PRORP: variants seen among roughly 807,000 people sequenced by gnomAD.
PRORP encodes the protein mitochondrial ribonuclease P catalytic subunit.
PRORP carries 51 observed loss-of-function variants against 59.4 expected under a neutral mutation model. That is an observed-to-expected ratio of 0.86 (90% CI 0.69 to 1.08). The LOEUF (loss-of-function observed/expected upper bound fraction) is 1.08. PRORP is among the 50% of genes least tolerant of loss of function. The pLI is 0.00. For synonymous variants in PRORP, 231 were observed against 245.6 expected, an observed-to-expected ratio of 0.94 and a Z score of 0.55; for missense variants, 646 against 690.3, an observed-to-expected ratio of 0.94 and a Z score of 0.72.
At chr14:35,168,762 C>G (rs1018416068) in intron 4 of PRORP, among the ~76,000 whole-genome samples, 3 of 152,062 alleles carry the variant, frequency 2.0e-5, no homozygotes, top group Non-Finnish European at 1.5e-5. Context: ...ATCAAGGACC[C>G]CCGTATGTGA....
intron 4 of PRORP, among the ~76,000 whole-genome samples, chr14:35,141,022 G>A (rs1459222583): frequency 6.9e-6 from 1 of 145,688 alleles, no homozygotes; most frequent in East Asian, 2.3e-4. Context: ...TCATTTCTGT[G>A]TAAGTCAGAT....
chr14:35,173,630 T>C (rs1000356437), intron 4 of PRORP, among the ~76,000 whole-genome samples: 2 of 152,162 alleles, frequency 1.3e-5, no homozygotes, highest in African/African-American at 4.8e-5. Context: ...AGCTTTCTGC[T>C]TGATTTCCAG....
chr14:35,167,686 T>G lies in PRORP; in HGVS notation c.1168-12984T>G, dbSNP rs76647512. 5.4e-3 allele frequency among the ~76,000 whole-genome samples: 829 copies of G among 152,316 alleles called. 8 individuals carry two copies. The highest frequency in any genetic ancestry group is 0.019 in the African/African-American group (788 of 41,564). On this transcript the variant is annotated intron_variant, in intron 4 of 7. Transcript: ENST00000534898. ...GAAGTAATTAGATACAGAGATGGAT[T>G]TTTTATTTTTGTTCGCATGTTAAGA...
intron 4 of PRORP, among the ~76,000 whole-genome samples, chr14:35,159,427 T>C (rs541583558): frequency 6.6e-5 from 10 of 152,350 alleles, no homozygotes; most frequent in Admixed American, 2.6e-4. Context: ...AGTCTGCATT[T>C]ATCTTTTCTT....
chr14:35,128,289 G>T (rs1427725898), intron 4 of PRORP, among the ~76,000 whole-genome samples: 5 of 141,178 alleles, frequency 3.5e-5, no homozygotes, highest in Non-Finnish European at 1.5e-5. Flanking sequence ...TTTTTTTTTT[G>T]TTGTTTTTTG....
Position 35,273,796 on chromosome 14 carries a change from A to C in PRORP, c.*230A>C. On this transcript the variant is annotated 3_prime_UTR_variant, in exon 8 of 8. Transcript: ENST00000534898. The stretch of plus-strand genomic sequence containing the variant: ...AGGCTTATCAAGAGTTGGAGAACTT[A>C]GTGTAGAGCAAAACCTGCATTTCTC... 1 of 313,410 alleles carries C rather than the reference A, an allele frequency of 3.2e-6. No homozygotes were observed. Among genetic ancestry groups the C allele is most frequent in the Non-Finnish European group, 5.8e-6 (1 of 172,062 alleles). The allele number at this position is 313,410 out of a possible 1,614,324, so 19.4% of individuals were successfully genotyped here.
intron 5 of PRORP, among the ~76,000 whole-genome samples, chr14:35,226,961 C>T (rs2049950503): frequency 1.3e-5 from 2 of 151,638 alleles, no homozygotes. Flanking sequence ...GTCTTGAACT[C>T]CTAAGCTCAA....
At chr14:35,258,834 ACAGTTTTGATTAC>A (rs2050824690) in intron 5 of PRORP, among the ~76,000 whole-genome samples, 1 of 152,178 alleles carries the variant, frequency 6.6e-6, no homozygotes, top group Admixed American at 6.5e-5. Flanking sequence ...GTATTATCAC[ACAGTTTTGATTAC>A]CATAGCTGTA....
chr14:35,201,265 T>A (rs536642153), intron 5 of PRORP, among the ~76,000 whole-genome samples: 1 of 152,322 alleles, frequency 6.6e-6, no homozygotes, highest in Admixed American at 6.5e-5. Flanking sequence ...CTCTTTTTTT[T>A]CCCCTTGCCA....
intron 4 of PRORP, among the ~76,000 whole-genome samples, chr14:35,149,205 C>T (rs1257938425): frequency 1.3e-5 from 2 of 151,520 alleles, no homozygotes; most frequent in African/African-American, 2.4e-5. Flanking sequence ...AAGCGTGAGC[C>T]ACCGCGCCCG....
chr14:35,160,356 T>C (rs1357030572), intron 4 of PRORP, among the ~76,000 whole-genome samples: 2 of 152,252 alleles, frequency 1.3e-5, no homozygotes. Flanking sequence ...ACTCTGTTAC[T>C]ACTGCAGTGC....
At position 35,270,419 on chromosome 14, in the gene PRORP, C is replaced by T; in HGVS notation, c.1443C>T (p.Phe481=). The T allele has an allele frequency of 6.2e-7, 1 of 1,613,836 alleles. No individual in the cohort carries two copies. Among genetic ancestry groups the T allele is most frequent in the Non-Finnish European group, 8.5e-7 (1 of 1,179,976 alleles). The change falls in exon 7 of 8, where the codon TTC becomes TTT. Residue 481 remains phenylalanine (F), a synonymous_variant. Coordinates refer to ENST00000534898, the MANE Select transcript of PRORP (RefSeq NM_014672.4). ...GGTTCAGCTCGGAGGATGATCCATTCCTTCTGTATGCCACACTGCACTCCG... is the reference window on the plus strand; with the variant it reads ...GGTTCAGCTCGGAGGATGATCCATTTCTTCTGTATGCCACACTGCACTCCG... ...FADDISEDDP[F]LLYATLHSGN... is the part of the protein sequence containing the mutation.
chr14:35,172,052 A>T (rs1595235691), intron 4 of PRORP, among the ~76,000 whole-genome samples: 4 of 140,714 alleles, frequency 2.8e-5, no homozygotes, highest in Admixed American at 7.1e-5. Flanking sequence ...TTTACTTCTA[A>T]TTTTTTTTTT....
upstream of PRORP, chr14:35,121,839 C>A: frequency 6.4e-7 from 1 of 1,562,882 alleles, no homozygotes; most frequent in Non-Finnish European, 8.8e-7. Flanking sequence ...CTCCCCACCT[C>A]CCCCCTACCT....
chr14:35,126,537 A>G (rs2138777119), intron 2 of PRORP, among the ~76,000 whole-genome samples, 198 bp from the exon 3 acceptor site: 1 of 152,318 alleles, frequency 6.6e-6, no homozygotes, highest in South Asian at 2.1e-4. Context: ...CACAGGGAAG[A>G]AGGAGATCCA....
At chr14:35,256,989 C>T (rs926320585) in intron 5 of PRORP, among the ~76,000 whole-genome samples, 10 of 151,356 alleles carry the variant, frequency 6.6e-5, no homozygotes, top group African/African-American at 1.9e-4. Flanking sequence ...TCTCCTGCCT[C>T]GGCCTCCCAA....
chr14:35,165,498 C>G (rs2048161309), intron 4 of PRORP, among the ~76,000 whole-genome samples: 1 of 152,086 alleles, frequency 6.6e-6, no homozygotes, highest in East Asian at 1.9e-4. Context: ...ATTTTTGTTT[C>G]TTAATAGCAT....
At chr14:35,224,583 C>G (rs150462214) in intron 5 of PRORP, among the ~76,000 whole-genome samples, 87 of 152,306 alleles carry the variant, frequency 5.7e-4, no homozygotes, top group African/African-American at 2.0e-3. Context: ...GCCTTAAACA[C>G]TAATTATGCA....
At chr14:35,152,548 C>A (rs555841576) in intron 4 of PRORP, among the ~76,000 whole-genome samples, 1 of 145,558 alleles carries the variant, frequency 6.9e-6, no homozygotes, top group Non-Finnish European at 1.6e-5. Flanking sequence ...GGGCAGCGGC[C>A]GGGTGGAGGC....
Sources: gnomAD v4.1 joint callset for allele counts (sites outside exome capture counted in the v4.1 genomes callset) on GRCh38, gnomAD v4.1.1 for gene constraint, MANE v1.5 for transcripts, NCBI Gene and HGNC (gene_info 2026-07-23, HGNC 2026-07-21) for gene names.